The following SOX6 variants were observed in gnomAD, a reference collection of about 807,000 sequenced individuals.
SOX6 encodes the protein transcription factor SOX-6.
SOX6 carries 11 observed loss-of-function variants against 97.8 expected under a neutral mutation model. That is an observed-to-expected ratio of 0.11 (90% CI 0.07 to 0.19). The LOEUF (loss-of-function observed/expected upper bound fraction) is 0.19. SOX6 is among the 10% of genes least tolerant of loss of function. The pLI is 1.00. For missense variants in SOX6, 810 were observed against 1,039.5 expected (o/e 0.78, Z 3.04); for synonymous variants, 360 against 371.4 (o/e 0.97, Z 0.35).
At chr11:16,667,797 C>A (rs1349438970) in intron 3 of SOX6, among the ~76,000 whole-genome samples, 1 of 152,088 alleles carries the variant, frequency 6.6e-6, no homozygotes, top group East Asian at 1.9e-4. Context: ...TATTATAACA[C>A]TGTAAATGTG....
intron 3 of SOX6, among the ~76,000 whole-genome samples, chr11:16,645,417 T>C (rs569777113): frequency 6.6e-6 from 1 of 152,302 alleles, no homozygotes; most frequent in South Asian, 2.1e-4. Context: ...TTTCTAGATA[T>C]CAATTTATGT....
chr11:15,984,997 A>C (rs1382551387), intron 15 of SOX6, among the ~76,000 whole-genome samples: 2 of 152,180 alleles, frequency 1.3e-5, no homozygotes, highest in Admixed American at 6.5e-5. Context: ...AAAGTTAGAG[A>C]AGTTTAATAA....
At chr11:16,641,036 T>C (rs1428539018) in intron 3 of SOX6, among the ~76,000 whole-genome samples, 2 of 152,240 alleles carry the variant, frequency 1.3e-5, no homozygotes, top group Admixed American at 1.3e-4. Context: ...TGCTTTCTCT[T>C]GTGGGCATTT....
rs567954914 is a variant in SOX6, at chr11:16,055,633, T to C, written c.1251+119A>G. Reference sequence around the variant, plus strand: ...GAAATTTACCATAAAGAGGGACATTTTGGGGTTGCTTTATGTTGCTATGTT... The same window carrying C: ...GAAATTTACCATAAAGAGGGACATTCTGGGGTTGCTTTATGTTGCTATGTT... On this transcript the variant is annotated intron_variant, in intron 10 of 15. Transcript: ENST00000683767. The C allele has an allele frequency of 1.6e-5, 19 of 1,175,598 alleles. No individual in the cohort carries two copies. In the Admixed American group the frequency reaches 2.8e-4, roughly 17 times the overall value. The allele number at this position is 1,175,598 out of a possible 1,614,324, so 72.8% of individuals were successfully genotyped here.
At position 16,674,581 on chromosome 11, in the gene SOX6, G is replaced by T. The variant is rs1362161558; in HGVS notation, n.429+40249C>A. The stretch of plus-strand genomic sequence containing the variant: ...AGACAAGAGAAAGAAATAAAGGGCA[G>T]CCAAGGCTGGGCATGGTAGCTCACA... On this transcript the variant is annotated intron_variant and non_coding_transcript_variant, in intron 3 of 5. Transcript: ENST00000524520. Among the ~76,000 whole-genome samples the T allele has an allele frequency of 2.6e-5, 4 of 152,258 alleles. No individual in the cohort carries two copies. The South Asian group carries it at 6.2e-4, about 24-fold the overall frequency.
chr11:16,511,232 T>C (rs1860875714), intron 4 of SOX6, among the ~76,000 whole-genome samples: 1 of 152,176 alleles, frequency 6.6e-6, no homozygotes, highest in Non-Finnish European at 1.5e-5. Context: ...CAAAAGCACA[T>C]GGATGTATTC....
intron 1 of SOX6, among the ~76,000 whole-genome samples, chr11:16,366,402 C>A (rs1857359308): frequency 1.3e-5 from 2 of 152,086 alleles, no homozygotes; most frequent in Non-Finnish European, 2.9e-5. Context: ...CCATAAAGAG[C>A]TATTTCAAGC....
intron 3 of SOX6, among the ~76,000 whole-genome samples, chr11:16,668,596 T>G (rs1278875995): frequency 6.6e-6 from 1 of 152,060 alleles, no homozygotes; most frequent in Non-Finnish European, 1.5e-5. Flanking sequence ...AACTTTCCAG[T>G]CAAAGACACA....
intron 3 of SOX6, among the ~76,000 whole-genome samples, chr11:16,644,072 A>C (rs1848969895): frequency 6.6e-6 from 1 of 151,504 alleles, no homozygotes; most frequent in South Asian, 2.1e-4. Context: ...ATAGGGTCTC[A>C]TTCTGTCACC....
At chr11:16,364,353 C>T (rs908337512) in intron 1 of SOX6, among the ~76,000 whole-genome samples, 2 of 152,098 alleles carry the variant, frequency 1.3e-5, no homozygotes, top group Admixed American at 1.3e-4. Flanking sequence ...CAAAGACTTG[C>T]ATTTTCAGGA....
At chr11:16,684,266 A>T (rs912066754) in intron 3 of SOX6, among the ~76,000 whole-genome samples, 2 of 152,238 alleles carry the variant, frequency 1.3e-5, no homozygotes, top group Non-Finnish European at 2.9e-5. Flanking sequence ...ATGCTACTAT[A>T]AAGACACATG....
At chr11:16,320,571 A>T (rs372149965) in intron 2 of SOX6, among the ~76,000 whole-genome samples, 12 of 152,100 alleles carry the variant, frequency 7.9e-5, no homozygotes, top group East Asian at 5.8e-4. Flanking sequence ...GGTGGTGTTT[A>T]ATAACTGGTA....
intron 4 of SOX6, among the ~76,000 whole-genome samples, chr11:16,188,695 A>G (rs1399591285): frequency 6.6e-6 from 1 of 152,210 alleles, no homozygotes; most frequent in African/African-American, 2.4e-5. Flanking sequence ...ATCAGGTACT[A>G]TAACAAGAAC....
chr11:16,172,073 C>T (rs1162806789), intron 6 of SOX6, among the ~76,000 whole-genome samples: 5 of 151,650 alleles, frequency 3.3e-5, no homozygotes, highest in Admixed American at 2.0e-4. Context: ...CCTGAACCCA[C>T]CCCCGACACT....
Position 16,043,117 on chromosome 11 carries a change from G to A in SOX6, c.1623+3397C>T, listed in dbSNP as rs141561764. On this transcript the variant is annotated intron_variant, in intron 12 of 15. Transcript: ENST00000683767. Reference sequence around the variant, plus strand: ...TTAGCTCTGAGGAGACTTAGAAGCAGCCTAATTAAAATTCTGTTATGTATT... The same window carrying A: ...TTAGCTCTGAGGAGACTTAGAAGCAACCTAATTAAAATTCTGTTATGTATT... 9.9e-5 allele frequency among the ~76,000 whole-genome samples: 15 copies of A among 152,270 alleles called. No homozygotes were observed. In the East Asian group the frequency reaches 2.1e-3, roughly 22 times the overall value.
At chr11:16,268,086 G>A (rs577074484) in intron 3 of SOX6, among the ~76,000 whole-genome samples, 40 of 151,408 alleles carry the variant, frequency 2.6e-4, no homozygotes, top group African/African-American at 9.6e-4. Flanking sequence ...CAAAGCCACA[G>A]TTAGATAAGA....
chr11:16,354,027 C>T (rs1857015479), intron 1 of SOX6, among the ~76,000 whole-genome samples: 2 of 151,924 alleles, frequency 1.3e-5, no homozygotes, highest in Non-Finnish European at 2.9e-5. Flanking sequence ...TGGAAAACTG[C>T]TTGCTACCAG....
At chr11:16,676,220 T>C (rs963655221) in intron 3 of SOX6, among the ~76,000 whole-genome samples, 9 of 152,264 alleles carry the variant, frequency 5.9e-5, no homozygotes, top group South Asian at 2.1e-4. Context: ...TCAGTTATTA[T>C]GCTTCTCAAC....
chr11:16,565,762 G>A (rs1482958765), intron 4 of SOX6, among the ~76,000 whole-genome samples: 1 of 141,944 alleles, frequency 7.0e-6, no homozygotes, highest in Non-Finnish European at 1.5e-5. Flanking sequence ...AAAAAAACTC[G>A]TCAACAGAAA....
Sources: gnomAD v4.1 joint callset for allele counts (sites outside exome capture counted in the v4.1 genomes callset) on GRCh38, gnomAD v4.1.1 for gene constraint, MANE v1.5 for transcripts, NCBI Gene and HGNC (gene_info 2026-07-23, HGNC 2026-07-21) for gene names.